The following NTNG1 variants were observed in gnomAD, a reference collection of about 807,000 sequenced individuals.
NTNG1 encodes the protein netrin G1, also known as netrin-G1.
NTNG1 carries 16 observed loss-of-function variants against 54.0 expected under a neutral mutation model. The ratio of observed to expected loss-of-function variants is 0.30; its 90% confidence interval spans 0.20 to 0.45. The LOEUF is 0.45. Among genes scored for constraint, NTNG1 ranks in the 20% least tolerant of loss-of-function variants. NTNG1 has a pLI of 1.00. For missense variants in NTNG1, 530 were observed against 678.7 expected (o/e 0.78, Z 2.43); for synonymous variants, 255 against 263.1 (o/e 0.97, Z 0.30).
chr1:107,257,799 G>A (rs1292566185), intron 2 of NTNG1, among the ~76,000 whole-genome samples: 1 of 152,158 alleles, frequency 6.6e-6, no homozygotes, highest in Non-Finnish European at 1.5e-5. Context: ...AATCACAGAT[G>A]CAGCTTGCTA....
At chr1:107,166,066 A>T (rs1477742540) in intron 2 of NTNG1, among the ~76,000 whole-genome samples, 4 of 152,218 alleles carry the variant, frequency 2.6e-5, no homozygotes, top group Non-Finnish European at 5.9e-5. Flanking sequence ...TACAAAGAAG[A>T]AACAAATATT....
Position 107,324,688 on chromosome 1 carries a change from G to A in NTNG1, c.653G>A (p.Ser218Asn). 2 of 1,613,528 alleles carry A rather than the reference G, an allele frequency of 1.2e-6. No individual in the cohort carries two copies. Among genetic ancestry groups the A allele is most frequent in the Non-Finnish European group, 1.7e-6 (2 of 1,179,760 alleles). ...TACTCAACAGGGTATACAACAAATA[G>A]CAAAATAATCCACTTTGAAATCAAA... is the stretch of plus-strand genomic sequence containing the variant. ...EEYSTGYTTN[S>N]KIIHFEIKDR... Residue 218 changes from serine (S) to asparagine (N), a missense_variant, in exon 3 of 8, where the codon AGC (serine) becomes AAC (asparagine). By Grantham distance (46) the Ser-to-Asn change is conservative. Around this residue, in one of 2 missense-constraint regions of NTNG1, gnomAD observed 318 missense variants for 465.1 expected, o/e 0.68. Transcript: ENST00000370068.
chr1:107,412,105 T>TA (rs1174550053), intron 5 of NTNG1, among the ~76,000 whole-genome samples: 1 of 151,780 alleles, frequency 6.6e-6, no homozygotes, highest in African/African-American at 2.4e-5. Flanking sequence ...AAGCCACTTT[T>TA]TTTTTTTAAG....
chr1:107,148,423 T>C lies in NTNG1; in HGVS notation c.-171T>C, dbSNP rs1407964912. ...CGCACAATATCTTAACTCTTCATAT[T>C]TGGTTTTGGGATCTGCTTTGAGGTC... On this transcript the variant is annotated 5_prime_UTR_variant, in exon 2 of 8. Transcript: ENST00000370068. The C allele has an allele frequency of 3.6e-5, 22 of 610,670 alleles. No individual in the cohort carries two copies. In the East Asian group the frequency reaches 4.9e-4, roughly 14 times the overall value. The allele number at this position is 610,670 out of a possible 1,614,324, so 37.8% of individuals were successfully genotyped here.
chr1:107,420,572 G>A (rs903350607), intron 5 of NTNG1, among the ~76,000 whole-genome samples: 1 of 152,016 alleles, frequency 6.6e-6, no homozygotes, highest in Non-Finnish European at 1.5e-5. Context: ...AAAGGTATAT[G>A]TGTTCAAGAT....
intron 2 of NTNG1, among the ~76,000 whole-genome samples, chr1:107,191,530 A>G (rs1293788170): frequency 3.9e-5 from 6 of 152,214 alleles, no homozygotes; most frequent in African/African-American, 1.4e-4. Context: ...GGTATTGCCT[A>G]GGTTTTCTTC....
intron 7 of NTNG1, among the ~76,000 whole-genome samples, chr1:107,453,803 CAT>C (rs756961507): frequency 1.5e-4 from 23 of 152,148 alleles, no homozygotes; most frequent in Non-Finnish European, 2.9e-4. Flanking sequence ...ACATTTCACA[CAT>C]GTTACTTTAT....
intron 2 of NTNG1, among the ~76,000 whole-genome samples, chr1:107,212,682 C>T (rs1659674965): frequency 6.6e-6 from 1 of 152,118 alleles, no homozygotes; most frequent in South Asian, 2.1e-4. Flanking sequence ...GAACAATCTG[C>T]CCTCCCAAGA....
chr1:107,148,850 C>G lies in NTNG1; in HGVS notation c.246+11C>G. 1 of 1,610,266 alleles carries G rather than the reference C, an allele frequency of 6.2e-7. No homozygotes were observed. Among genetic ancestry groups the G allele is most frequent in the Non-Finnish European group, 8.5e-7 (1 of 1,177,278 alleles). On this transcript the variant is annotated intron_variant, in intron 2 of 7. Coordinates refer to ENST00000370068, the MANE Select transcript of NTNG1 (RefSeq NM_001113226.3). ...ACGTTCTGTGCAATGGTGAGGTAAC[C>G]CTTTTGCATAAAATATTTCATATAA...
chr1:107,425,301 A>G (rs896053363), intron 5 of NTNG1, among the ~76,000 whole-genome samples: 2 of 152,110 alleles, frequency 1.3e-5, no homozygotes, highest in African/African-American at 4.8e-5. Context: ...TATTGGATTT[A>G]GTAATTACCA....
At chr1:107,435,359 T>G (rs1675532889) in intron 6 of NTNG1, among the ~76,000 whole-genome samples, 1 of 152,168 alleles carries the variant, frequency 6.6e-6, no homozygotes, top group Admixed American at 6.5e-5. Flanking sequence ...AAGTACAAAC[T>G]AAGCCAGGCA....
chr1:107,212,179 G>C (rs1298470531), intron 2 of NTNG1, among the ~76,000 whole-genome samples: 1 of 152,072 alleles, frequency 6.6e-6, no homozygotes, highest in Non-Finnish European at 1.5e-5. Context: ...TTTGCTCTCT[G>C]TTGTAGTAGC....
chr1:107,262,331 T>A (rs2101656316), intron 2 of NTNG1, among the ~76,000 whole-genome samples: 1 of 152,246 alleles, frequency 6.6e-6, no homozygotes, highest in Admixed American at 6.5e-5. Context: ...TTGTGGGTAA[T>A]GAGGGCAGTT....
chr1:107,421,043 A>G (rs201759334), intron 5 of NTNG1: 217 of 1,421,520 alleles, frequency 1.5e-4, no homozygotes, highest in Non-Finnish European at 2.1e-4. Context: ...ACGTTTCACT[A>G]TTGTTTCTAA....
chr1:107,374,512 C>A (rs1033217651), intron 3 of NTNG1, among the ~76,000 whole-genome samples: 1 of 152,030 alleles, frequency 6.6e-6, no homozygotes, highest in African/African-American at 2.4e-5. Flanking sequence ...TAATTTCATT[C>A]AGTGTATCTT....
At chr1:107,407,863 G>T (rs980389734) in intron 5 of NTNG1, 155 bp downstream of exon 5, 1 of 765,736 alleles carries the variant, frequency 1.3e-6, no homozygotes, top group African/African-American at 1.7e-5. Flanking sequence ...TTTCTGCACA[G>T]ATCTGGTGAG....
At chr1:107,379,622 C>G (rs562598636) in intron 3 of NTNG1, among the ~76,000 whole-genome samples, 129 of 152,280 alleles carry the variant, frequency 8.5e-4, no homozygotes, top group African/African-American at 3.1e-3. Flanking sequence ...AGCCCTCCTT[C>G]CCACAACCAA....
intron 5 of NTNG1, among the ~76,000 whole-genome samples, chr1:107,424,142 A>T (rs1674736384): frequency 6.6e-6 from 1 of 152,076 alleles, no homozygotes; most frequent in East Asian, 1.9e-4. Context: ...AAATTGAGGG[A>T]TTAGGGAATG....
At chr1:107,359,244 C>G (rs1037742056) in intron 3 of NTNG1, among the ~76,000 whole-genome samples, 3 of 152,130 alleles carry the variant, frequency 2.0e-5, no homozygotes, top group African/African-American at 7.2e-5. Context: ...CAATTTTTCT[C>G]ATAAATGAAG....
Sources: allele counts gnomAD v4.1 joint callset (sites outside exome capture counted in the v4.1 genomes callset), GRCh38; gene constraint gnomAD v4.1.1; regional missense constraint gnomAD v4.1.1; transcripts MANE v1.5; gene names NCBI Gene and HGNC (gene_info 2026-07-23, HGNC 2026-07-21).